The following RPS6KA3 variants were observed in gnomAD, a reference collection of about 807,000 sequenced individuals.
RPS6KA3 encodes ribosomal protein S6 kinase A3.
In RPS6KA3, 4 loss-of-function variants were observed where a neutral mutation model predicts 67.2. The observed-to-expected ratio is 0.06, with a 90% confidence interval of 0.03 to 0.14. The LOEUF (loss-of-function observed/expected upper bound fraction) is 0.14. Ranked by LOEUF, RPS6KA3 falls within the 10% of genes least tolerant of loss-of-function variation. The pLI, the probability that RPS6KA3 is intolerant of heterozygous loss-of-function variation, is 1.00. For missense variants in RPS6KA3, 204 were observed against 559.0 expected (o/e 0.36, Z 6.40); for synonymous variants, 182 against 183.7 (o/e 0.99, Z 0.07).
intron 2 of RPS6KA3, among the ~76,000 whole-genome samples, chrX:20,229,891 T>C (rs1334067914): frequency 1.8e-5 from 2 of 112,223 alleles, no homozygotes; most frequent in Admixed American, 9.4e-5. Context: ...ATGCAGGTTC[T>C]TGCAGATGTA....
At chrX:20,255,888 C>A (rs2147067008) in intron 1 of RPS6KA3, among the ~76,000 whole-genome samples, 1 of 101,422 alleles carries the variant, frequency 9.9e-6, no homozygotes, top group South Asian at 4.8e-4. Context: ...GCAGATGGAT[C>A]ACCCTGAGGT....
chrX:20,192,478 G>A (rs1396043425), intron 7 of RPS6KA3, among the ~76,000 whole-genome samples: 3 of 108,338 alleles, frequency 2.8e-5, no homozygotes, highest in Non-Finnish European at 5.7e-5. Context: ...GCCTAAGAAT[G>A]AGAGTCAGAA....
intron 7 of RPS6KA3, among the ~76,000 whole-genome samples, chrX:20,189,509 C>A (rs2068071281): frequency 8.9e-6 from 1 of 111,954 alleles, no homozygotes; most frequent in Admixed American, 9.5e-5. Flanking sequence ...GAATGACACT[C>A]AGGTTTCTGG....
chrX:20,194,657 G>A, intron 5 of RPS6KA3, among the ~76,000 whole-genome samples: 1 of 111,248 alleles, frequency 9.0e-6, no homozygotes, highest in Admixed American at 9.6e-5. Flanking sequence ...TTTACCCACT[G>A]AGAAAAAGCA....
intron 7 of RPS6KA3, 34 bp downstream of exon 7, chrX:20,193,453 A>T: frequency 1.2e-6 from 1 of 815,736 alleles, no homozygotes; most frequent in Non-Finnish European, 1.9e-6. Context: ...CAATCATATT[A>T]CATTGTATTC....
intron 16 of RPS6KA3, among the ~76,000 whole-genome samples, chrX:20,168,721 TTTC>T (rs764598572): frequency 8.9e-6 from 1 of 112,488 alleles, no homozygotes; most frequent in East Asian, 2.8e-4. Flanking sequence ...CGTAAGTACT[TTTC>T]TTCTTAAAGC....
At position 20,266,749 on chromosome X, in the gene RPS6KA3, CA is replaced by C. The variant is rs1259290461; in HGVS notation, c.-118del. ...GCGGCGGCGGCGGCGGCGGCGGCGG[CA>C]GCGGCAGCGGCAGCGGCAGCAGCAG... On this transcript the variant is annotated 5_prime_UTR_variant, in exon 1 of 22. Coordinates refer to ENST00000379565, the MANE Select transcript of RPS6KA3 (RefSeq NM_004586.3). 3.4e-3 allele frequency: 71 copies of C among 21,123 alleles called. No homozygotes were observed. The South Asian group carries it at 0.062, about 19-fold the overall frequency. 1.7% of individuals were successfully genotyped at this position (21,123 alleles called of 1,213,427 possible). A position where few individuals can be genotyped will look rare whatever the true frequency, so the allele number is the denominator to read the frequency against.
At chrX:20,255,735 C>G (rs1362305702) in intron 1 of RPS6KA3, among the ~76,000 whole-genome samples, 11 of 74,678 alleles carry the variant, frequency 1.5e-4, no homozygotes, top group Non-Finnish European at 2.3e-4. Flanking sequence ...CTGCAGTGAG[C>G]TGAGACTGCA....
Position 20,209,353 on chromosome X carries a change from G to A in RPS6KA3, c.178C>T (p.His60Tyr). 1 of 1,201,249 alleles carries A rather than the reference G, an allele frequency of 8.3e-7. No homozygotes were observed. ...AACTGGGAAGGATCTGCCTTTTCAT[G>A]TCCTTCCTTTACATGATGTGTGATT... The part of the protein sequence containing the change: ...IAITHHVKEG[H>Y]EKADPSQFEL... The change falls in exon 3 of 22, where the codon CAT becomes TAT. Residue 60 changes from histidine to tyrosine, a missense_variant. By Grantham distance (83) the His-to-Tyr change is moderately conservative. Coordinates refer to ENST00000379565, the MANE Select transcript of RPS6KA3 (RefSeq NM_004586.3).
At position 20,204,902 on chromosome X, in the gene RPS6KA3, AAAC is replaced by A. The variant is rs375448214; in HGVS notation, c.244-802_244-800del. On this transcript the variant is annotated intron_variant, in intron 3 of 21. Coordinates refer to ENST00000379565, the MANE Select transcript of RPS6KA3 (RefSeq NM_004586.3). ...GCAACAAGAGCCAGACTCCGTTTCA[AAAC>A]AACAACAACAACAAAATGAAAAGCA... 2.8e-3 allele frequency among the ~76,000 whole-genome samples: 307 copies of A among 111,459 alleles called. 1 individual carries two copies. The highest frequency in any genetic ancestry group is 8.9e-3 in the African/African-American group (272 of 30,652).
chrX:20,176,405 T>C, intron 12 of RPS6KA3, 29 bp downstream of exon 12: 3 of 1,142,738 alleles, frequency 2.6e-6, no homozygotes, highest in Non-Finnish European at 3.6e-6. Context: ...TAAAGAAATA[T>C]TTCAAGCAAG....
intron 1 of RPS6KA3, among the ~76,000 whole-genome samples, chrX:20,261,110 C>G (rs1169619372): frequency 4.8e-5 from 5 of 103,561 alleles, no homozygotes; most frequent in African/African-American, 1.8e-4. Context: ...AGTTTCTACT[C>G]AGAATGAGAG....
At chrX:20,197,789 T>G (rs1269322741) in intron 4 of RPS6KA3, among the ~76,000 whole-genome samples, 1 of 111,860 alleles carries the variant, frequency 8.9e-6, no homozygotes, top group Non-Finnish European at 1.9e-5. Flanking sequence ...ATATACTAAT[T>G]CAGAAGAAGG....
chrX:20,175,541 C>T (rs1417205963), intron 13 of RPS6KA3, among the ~76,000 whole-genome samples: 8 of 111,443 alleles, frequency 7.2e-5, no homozygotes, highest in Non-Finnish European at 1.5e-4. Context: ...TATAATACAT[C>T]GATGAATTAT....
chrX:20,173,273 A>G (rs1264000794), intron 14 of RPS6KA3, among the ~76,000 whole-genome samples: 3 of 112,255 alleles, frequency 2.7e-5, no homozygotes, highest in Non-Finnish European at 5.6e-5. Context: ...ATTCAGAATT[A>G]GAATATCTGA....
chrX:20,165,486 T>C (rs1017055026), intron 17 of RPS6KA3, among the ~76,000 whole-genome samples: 9 of 111,161 alleles, frequency 8.1e-5, no homozygotes, highest in African/African-American at 2.9e-4. Flanking sequence ...AAGCAGAGAA[T>C]AGGTTGAGAG....
At chrX:20,210,379 G>GT (rs1448637891) in intron 2 of RPS6KA3, among the ~76,000 whole-genome samples, 1 of 111,707 alleles carries the variant, frequency 9.0e-6, no homozygotes, top group Non-Finnish European at 1.9e-5. Flanking sequence ...TTCTAGGTGC[G>GT]TAAGTACTGT....
At chrX:20,199,708 A>AAT (rs1411639409) in intron 4 of RPS6KA3, among the ~76,000 whole-genome samples, 1 of 111,629 alleles carries the variant, frequency 9.0e-6, no homozygotes, top group Non-Finnish European at 1.9e-5. Context: ...CACACTCAAG[A>AAT]ATACCACTAT....
chrX:20,256,068 C>A (rs997784934), intron 1 of RPS6KA3, among the ~76,000 whole-genome samples: 44 of 102,683 alleles, frequency 4.3e-4, no homozygotes, highest in African/African-American at 1.5e-3. Context: ...CAAGATTGAG[C>A]CACTGAACTC....
Sources: gnomAD v4.1 joint callset for allele counts (sites outside exome capture counted in the v4.1 genomes callset) on GRCh38, gnomAD v4.1.1 for gene constraint, MANE v1.5 for transcripts, NCBI Gene and HGNC (gene_info 2026-07-23, HGNC 2026-07-21) for gene names.